FHOD3: variants seen among roughly 807,000 people sequenced by gnomAD.
The protein encoded by FHOD3 is formin homology 2 domain containing 3.
In FHOD3, 90 loss-of-function variants were observed where a neutral mutation model predicts 173.0. That is an observed-to-expected ratio of 0.52 (90% CI 0.44 to 0.62). The LOEUF is 0.62. FHOD3 is among the 20% of genes least tolerant of loss of function. The probability of loss-of-function intolerance (pLI) is 0.00; values close to 1 mark genes in which losing one functional copy is unlikely to be tolerated. For synonymous variants in FHOD3, 828 were observed against 823.0 expected (o/e 1.01, Z -0.10); for missense variants, 1,945 against 2,034.7 (o/e 0.96, Z 0.85).
chr18:36,673,260 A>G (rs1051800795), intron 14 of FHOD3, among the ~76,000 whole-genome samples: 2 of 152,218 alleles, frequency 1.3e-5, no homozygotes, highest in African/African-American at 4.8e-5. Context: ...TTAAAAAGGC[A>G]AGAAGTCAGA....
Position 36,740,761 on chromosome 18 carries a change from A to C in FHOD3, c.3682A>C (p.Thr1228Pro). 1 of 1,613,944 alleles carries C rather than the reference A, an allele frequency of 6.2e-7. No individual in the cohort carries two copies. Among genetic ancestry groups the C allele is most frequent in the Non-Finnish European group, 8.5e-7 (1 of 1,179,990 alleles). Residue 1228 changes from threonine (T) to proline (P), a missense_variant, in exon 21 of 29, where the codon ACC (threonine) becomes CCC (proline). This residue lies in a region of FHOD3 where 231 missense variants were observed against 321.9 expected (regional missense o/e 0.72). Transcript: ENST00000590592. Reference protein sequence around the residue: ...PLGSAEQFLLTLSSISELSAR... With the variant: ...PLGSAEQFLLPLSSISELSAR... ...GGGCAGTGCAGAGCAGTTCCTCCTC[A>C]CCCTGTCCTCCATCAGCGAGCTCTC...
chr18:36,478,457 A>C (rs900408291), intron 3 of FHOD3, among the ~76,000 whole-genome samples: 1 of 152,104 alleles, frequency 6.6e-6, no homozygotes, highest in African/African-American at 2.4e-5. Context: ...ATATACAATT[A>C]TTATTGACTA....
At chr18:36,410,125 C>T (rs1243910541) in intron 3 of FHOD3, among the ~76,000 whole-genome samples, 1 of 152,030 alleles carries the variant, frequency 6.6e-6, no homozygotes, top group East Asian at 1.9e-4. Flanking sequence ...TTTCATCATC[C>T]TCAAAAAAAA....
In FHOD3 at chr18:36,372,790, C is replaced by T. The variant is rs938271; in HGVS notation, c.337+46C>T. ...GGAACTAAACATATGATGAAAGACG[C>T]GACTTATGGGAATAAAATAAAGATT... On this transcript the variant is annotated intron_variant, in intron 3 of 28. Transcript: ENST00000590592. 1.1e-3 allele frequency: 1,602 copies of T among 1,509,118 alleles called. 12 individuals carry two copies. The African/African-American group carries it at 0.013, about 12-fold the overall frequency. The allele number at this position is 1,509,118 out of a possible 1,614,324, so 93.5% of individuals were successfully genotyped here.
At position 36,409,665 on chromosome 18, in the gene FHOD3, A is replaced by G. The variant is rs73949487; in HGVS notation, c.337+36921A>G. ...ATAAATGTTTAGTGAATGAATAAAG[A>G]AGACATAGTTTGCAGTGAGTCTTTA... On this transcript the variant is annotated intron_variant, in intron 3 of 28. Coordinates refer to ENST00000590592, the MANE Select transcript of FHOD3 (RefSeq NM_001281740.3). Among the ~76,000 whole-genome samples, 436 of 152,348 alleles carry G rather than the reference A, an allele frequency of 2.9e-3. 3 individuals are homozygous for G. The highest frequency in any genetic ancestry group is 0.01 in the African/African-American group (419 of 41,586).
intron 3 of FHOD3, among the ~76,000 whole-genome samples, chr18:36,415,128 C>T (rs748467791): frequency 3.9e-5 from 6 of 152,106 alleles, no homozygotes; most frequent in Admixed American, 1.3e-4. Flanking sequence ...AGGCCTCTGT[C>T]GAGTGCCCAT....
intron 5 of FHOD3, among the ~76,000 whole-genome samples, chr18:36,569,022 A>G (rs760646117): frequency 9.9e-5 from 15 of 152,200 alleles, no homozygotes; most frequent in Non-Finnish European, 1.3e-4. Flanking sequence ...AGAGAACCCA[A>G]TGGAAAATTT....
chr18:36,468,336 C>A (rs145425921), intron 3 of FHOD3, among the ~76,000 whole-genome samples: 1 of 152,236 alleles, frequency 6.6e-6, no homozygotes, highest in African/African-American at 2.4e-5. Context: ...CTAAGAATAG[C>A]CAGCTAGACG....
intron 5 of FHOD3, among the ~76,000 whole-genome samples, chr18:36,558,968 C>T (rs959219002): frequency 6.6e-6 from 1 of 151,868 alleles, no homozygotes; most frequent in East Asian, 1.9e-4. Context: ...GTGCTCAGCC[C>T]TCAGCCCTGC....
At chr18:36,631,648 G>A (rs1358699223) in intron 10 of FHOD3, among the ~76,000 whole-genome samples, 1 of 152,172 alleles carries the variant, frequency 6.6e-6, no homozygotes, top group African/African-American at 2.4e-5. Context: ...TGTGTGACAG[G>A]AGGGGAAGCT....
chr18:36,415,064 C>T (rs574372056), intron 3 of FHOD3, among the ~76,000 whole-genome samples: 463 of 152,240 alleles, frequency 3.0e-3, no homozygotes, highest in Admixed American at 4.8e-3. Context: ...TTGGGCACCT[C>T]CATTTCTGAG....
At chr18:36,412,724 G>A (rs541449442) in intron 3 of FHOD3, among the ~76,000 whole-genome samples, 6 of 152,194 alleles carry the variant, frequency 3.9e-5, no homozygotes, top group Non-Finnish European at 7.4e-5. Context: ...ATTAAAGGAT[G>A]TTTGCTGTTA....
At position 36,779,434 on chromosome 18, in the gene FHOD3, C is replaced by T; in HGVS notation, c.4787-14C>T. On this transcript the variant is annotated splice_polypyrimidine_tract_variant and intron_variant, in intron 28 of 28. Coordinates refer to ENST00000590592, the MANE Select transcript of FHOD3 (RefSeq NM_001281740.3). Reference sequence around the variant, plus strand: ...TTCTCATCCCTTTGGGTGTGACCTGCACCACCACTGCAGTGCGAAGAACCC... The same window carrying T: ...TTCTCATCCCTTTGGGTGTGACCTGTACCACCACTGCAGTGCGAAGAACCC... 1 of 1,613,772 alleles carries T rather than the reference C, an allele frequency of 6.2e-7. No homozygotes were observed. The highest frequency in any genetic ancestry group is 8.5e-7 in the Non-Finnish European group (1 of 1,179,718).
intron 3 of FHOD3, among the ~76,000 whole-genome samples, chr18:36,487,240 G>C (rs1433238914): frequency 6.6e-6 from 1 of 152,192 alleles, no homozygotes; most frequent in Non-Finnish European, 1.5e-5. Flanking sequence ...TTCTAGAGAG[G>C]TTGCAGCATC....
intron 3 of FHOD3, among the ~76,000 whole-genome samples, chr18:36,439,060 G>T (rs773555411): frequency 6.6e-6 from 1 of 152,184 alleles, no homozygotes; most frequent in Non-Finnish European, 1.5e-5. Flanking sequence ...GAGAAAGAAT[G>T]TGAAAGCTTC....
chr18:36,602,885 C>G, intron 8 of FHOD3, 117 bp downstream of exon 8: 1 of 796,038 alleles, frequency 1.3e-6, no homozygotes, highest in Non-Finnish European at 2.1e-6. Flanking sequence ...CAGATATAAT[C>G]TGGTTGTGAG....
chr18:36,648,814 A>T (rs2035856624), intron 10 of FHOD3, among the ~76,000 whole-genome samples: 2 of 152,222 alleles, frequency 1.3e-5, no homozygotes, highest in South Asian at 4.1e-4. Context: ...TACCAAAACC[A>T]TAGGTCCACC....
intron 5 of FHOD3, among the ~76,000 whole-genome samples, chr18:36,522,768 G>A (rs142996542): frequency 6.6e-6 from 1 of 152,216 alleles, no homozygotes; most frequent in East Asian, 1.9e-4. Context: ...ATCTTGTTGA[G>A]TGTTTTATGG....
intron 17 of FHOD3, among the ~76,000 whole-genome samples, chr18:36,697,078 A>G (rs1240025564): frequency 6.6e-6 from 1 of 152,216 alleles, no homozygotes; most frequent in Non-Finnish European, 1.5e-5. Flanking sequence ...ATAATTCTTG[A>G]GAAAGTTTCT....
Sources: allele counts gnomAD v4.1 joint callset (sites outside exome capture counted in the v4.1 genomes callset), GRCh38; gene constraint gnomAD v4.1.1; regional missense constraint gnomAD v4.1.1; transcripts MANE v1.5; gene names NCBI Gene and HGNC (gene_info 2026-07-23, HGNC 2026-07-21).